The following CCDC91 variants were observed in gnomAD, a reference collection of about 807,000 sequenced individuals.
The protein encoded by CCDC91 is coiled-coil domain-containing protein 91.
A neutral mutation model predicts 63.2 loss-of-function variants in CCDC91; 48 were observed. The observed-to-expected ratio is 0.76, with a 90% CI of 0.60 to 0.97. CCDC91 has a LOEUF of 0.97. Among genes scored for constraint, CCDC91 ranks in the 50% least tolerant of loss-of-function variants. CCDC91 has a pLI of 0.00. For missense variants in CCDC91, 500 were observed against 494.6 expected (o/e 1.01, Z -0.10); for synonymous variants, 167 against 165.8 (o/e 1.01, Z -0.06).
chr12:28,190,899 T>C (rs1430158585), intron 1 of CCDC91, among the ~76,000 whole-genome samples: 3 of 152,174 alleles, frequency 2.0e-5, no homozygotes, highest in Non-Finnish European at 4.4e-5. Context: ...TATCTGCACG[T>C]CCCAGAATCG....
At chr12:28,275,526 G>A (rs576196350) in intron 3 of CCDC91, among the ~76,000 whole-genome samples, 7 of 152,052 alleles carry the variant, frequency 4.6e-5, no homozygotes, top group Non-Finnish European at 1.0e-4. Context: ...ATTCATAGCC[G>A]AATTCTACCA....
intron 11 of CCDC91, among the ~76,000 whole-genome samples, chr12:28,463,618 C>G (rs962808070): frequency 6.6e-6 from 1 of 152,086 alleles, no homozygotes; most frequent in Non-Finnish European, 1.5e-5. Context: ...GAAGACTGAA[C>G]CTGGTGACTG....
At chr12:28,363,734 G>A (rs529001966) in intron 7 of CCDC91, among the ~76,000 whole-genome samples, 5 of 151,928 alleles carry the variant, frequency 3.3e-5, no homozygotes, top group Admixed American at 6.6e-5. Context: ...AAAATTAGCC[G>A]GGCATGGTGG....
chr12:28,539,706 G>C (rs1225821735), intron 12 of CCDC91, among the ~76,000 whole-genome samples: 1 of 152,126 alleles, frequency 6.6e-6, no homozygotes, highest in African/African-American at 2.4e-5. Flanking sequence ...AGGGATGTTA[G>C]GATTTTCTTA....
At chr12:28,257,151 C>G (rs1592123513) in intron 1 of CCDC91, 51 bp from the exon 2 acceptor site, 1 of 1,056,676 alleles carries the variant, frequency 9.5e-7, no homozygotes, top group Admixed American at 1.8e-5. Context: ...AGTATTTTGA[C>G]ATAAATGACT....
chr12:28,236,654 C>T (rs1256757463), intron 1 of CCDC91: 2 of 151,872 alleles, frequency 1.3e-5, no homozygotes, highest in East Asian at 1.9e-4. Context: ...ACTTTTTAGT[C>T]GCTAGACTAT....
chr12:28,376,174 G>A (rs1323225122), intron 7 of CCDC91, among the ~76,000 whole-genome samples: 1 of 151,666 alleles, frequency 6.6e-6, no homozygotes, highest in African/African-American at 2.4e-5. Flanking sequence ...ATTAACCATT[G>A]TCCTATCTTT....
At chr12:28,267,664 A>G (rs1222688720) in intron 3 of CCDC91, among the ~76,000 whole-genome samples, 1 of 44,068 alleles carries the variant, frequency 2.3e-5, no homozygotes, top group African/African-American at 5.4e-5. Flanking sequence ...CAATTAATAT[A>G]TTAATTATAT....
chr12:28,543,176 T>C (rs1436037783), intron 12 of CCDC91, among the ~76,000 whole-genome samples: 1 of 152,018 alleles, frequency 6.6e-6, no homozygotes, highest in African/African-American at 2.4e-5. Context: ...CCTACCCTAA[T>C]CCAGTAAGAG....
intron 12 of CCDC91, among the ~76,000 whole-genome samples, chr12:28,524,436 T>C (rs1941065075): frequency 6.6e-6 from 1 of 152,168 alleles, no homozygotes; most frequent in Non-Finnish European, 1.5e-5. Flanking sequence ...TATCCCTGCA[T>C]CCCTGGTATT....
rs116573177 is a variant in CCDC91 at position 28,254,536 on chromosome 12, T to C, written c.-14-2666T>C. On this transcript the variant is annotated intron_variant, in intron 1 of 12. Transcript: ENST00000536442. Reference sequence around the variant, plus strand: ...TTTGTATATTTCCTTTTAAAAACTGTTGATTTTCATATTTTATAAATTTTA... The same window carrying C: ...TTTGTATATTTCCTTTTAAAAACTGCTGATTTTCATATTTTATAAATTTTA... Among the ~76,000 whole-genome samples, 414 of 152,282 alleles carry C rather than the reference T, an allele frequency of 2.7e-3. 3 individuals are homozygous for C. Among genetic ancestry groups the C allele is most frequent in the African/African-American group, 9.6e-3 (400 of 41,580 alleles).
At position 28,331,108 on chromosome 12, in the gene CCDC91, C is replaced by T. The variant is rs545500826; in HGVS notation, c.576+23359C>T. Among the ~76,000 whole-genome samples, 31 of 152,208 alleles carry T rather than the reference C, an allele frequency of 2.0e-4. No homozygotes were observed. The South Asian group carries it at 4.4e-3, about 21-fold the overall frequency. ...ATCTGTTAAAACTGTGATCTAGTGG[C>T]TTCTAAATGTATTAAAAAGATTAGG... On this transcript the variant is annotated intron_variant, in intron 6 of 12. Transcript: ENST00000536442.
intron 8 of CCDC91, among the ~76,000 whole-genome samples, chr12:28,448,586 C>G (rs1949650220): frequency 6.6e-6 from 1 of 152,060 alleles, no homozygotes; most frequent in South Asian, 2.1e-4. Context: ...TATTGGACCA[C>G]TTAGGAAATT....
At chr12:28,358,710 T>G (rs1431664936) in intron 6 of CCDC91, among the ~76,000 whole-genome samples, 1 of 152,196 alleles carries the variant, frequency 6.6e-6, no homozygotes, top group African/African-American at 2.4e-5. Flanking sequence ...GCATGATTAG[T>G]GGATATTGAT....
chr12:28,292,067 T>C (rs1204962220), intron 3 of CCDC91, among the ~76,000 whole-genome samples: 1 of 152,212 alleles, frequency 6.6e-6, no homozygotes, highest in Non-Finnish European at 1.5e-5. Flanking sequence ...CGTTTTGAAC[T>C]AAAATAAGAA....
chr12:28,382,124 C>T (rs116390462), intron 7 of CCDC91, among the ~76,000 whole-genome samples: 1,772 of 151,938 alleles, frequency 0.012, 43 homozygotes, highest in African/African-American at 0.041. Flanking sequence ...TAGTCTGCCT[C>T]AAAATTTAGT....
intron 12 of CCDC91, among the ~76,000 whole-genome samples, chr12:28,496,697 A>G (rs1183201587): frequency 2.0e-5 from 3 of 151,370 alleles, no homozygotes; most frequent in Non-Finnish European, 4.4e-5. Flanking sequence ...TAGGTTCATC[A>G]TTTTGTAGAA....
intron 3 of CCDC91, among the ~76,000 whole-genome samples, chr12:28,284,616 G>A (rs546453687): frequency 3.3e-5 from 5 of 151,258 alleles, no homozygotes; most frequent in African/African-American, 1.2e-4. Flanking sequence ...TCGCGCCATT[G>A]CTCTCCAACC....
chr12:28,275,471 A>G (rs1214576019), intron 3 of CCDC91, among the ~76,000 whole-genome samples: 3 of 152,192 alleles, frequency 2.0e-5, no homozygotes, highest in East Asian at 1.9e-4. Context: ...AAATTGAGGC[A>G]GTAAGTAATA....
Sources: allele counts gnomAD v4.1 joint callset (sites outside exome capture counted in the v4.1 genomes callset), GRCh38; gene constraint gnomAD v4.1.1; transcripts MANE v1.5; gene names NCBI Gene and HGNC (gene_info 2026-07-23, HGNC 2026-07-21).